The following SLC29A2 variants were observed in gnomAD, a reference collection of about 807,000 sequenced individuals.
SLC29A2 encodes the protein equilibrative nucleoside transporter 2.
In SLC29A2, 37 loss-of-function variants were observed where a neutral mutation model predicts 48.8. The ratio of observed to expected loss-of-function variants is 0.76; its 90% CI spans 0.58 to 1.00. The LOEUF (loss-of-function observed/expected upper bound fraction) is 1.00, where lower values mean the gene tolerates loss of function less well. Among genes scored for constraint, SLC29A2 ranks in the 50% least tolerant of loss-of-function variants. The pLI, the probability that SLC29A2 is intolerant of heterozygous loss-of-function variation, is 0.00. For missense variants in SLC29A2, 533 were observed against 578.6 expected (o/e 0.92, Z 0.81); for synonymous variants, 233 against 261.7 (o/e 0.89, Z 1.06).
chr11:66,366,294 A>G, intron 8 of SLC29A2, 63 bp from the exon 9 acceptor site: 6 of 1,600,228 alleles, frequency 3.7e-6, no homozygotes. Context: ...CCTCTTGCCC[A>G]AGCCCCATGT....
chr11:66,368,096 A>G (rs1855813934), intron 5 of SLC29A2, among the ~76,000 whole-genome samples: 1 of 152,220 alleles, frequency 6.6e-6, no homozygotes. Flanking sequence ...ACTATGTGCC[A>G]GTAGCCTTCT....
intron 2 of SLC29A2, among the ~76,000 whole-genome samples, chr11:66,370,614 T>G: frequency 6.6e-6 from 1 of 152,050 alleles, no homozygotes; most frequent in East Asian, 1.9e-4. Flanking sequence ...TCCCAGCACT[T>G]TGGGAGGCCG....
In SLC29A2 at chr11:66,366,121, C is replaced by T; in HGVS notation, c.973+5G>A. 1 of 1,613,256 alleles carries T rather than the reference C, an allele frequency of 6.2e-7. No individual in the cohort carries two copies. The highest frequency in any genetic ancestry group is 8.5e-7 in the Non-Finnish European group (1 of 1,179,262). ...CCCTGCCGTCTTCTCCACCCTGACA[C>T]TCACTCCACTTCCCAGGACTGGTGG... On this transcript the variant is annotated splice_donor_5th_base_variant and intron_variant, in intron 9 of 11. Coordinates refer to ENST00000357440, the MANE Select transcript of SLC29A2 (RefSeq NM_001532.3).
chr11:66,364,653 T>C (rs7111197), intron 10 of SLC29A2: 469,567 of 482,428 alleles, frequency 0.97, 229,723 homozygotes, highest in East Asian at 1. Flanking sequence ...TATAGGCGCC[T>C]GCCACCACCA....
chr11:66,367,999 C>T, intron 5 of SLC29A2, 130 bp from the exon 6 acceptor site: 1 of 740,228 alleles, frequency 1.4e-6, no homozygotes, highest in South Asian at 1.5e-5. Flanking sequence ...CTCCTCCCTT[C>T]ACTGACAAAT....
rs1056130631 is a variant in SLC29A2 at position 66,367,815 on chromosome 11, C to G, written c.605G>C (p.Gly202Ala). Residue 202 changes from glycine (G) to alanine (A), a missense_variant, in exon 6 of 12, where the codon GGC (glycine) becomes GCC (alanine). Coordinates refer to ENST00000357440, the MANE Select transcript of SLC29A2 (RefSeq NM_001532.3). ...ALGYFITPCV[G>A]ILMSIVCYLS... ...GTAACACACGATGGACATGAGGATGCCCACACAGGGCGTGATAAAGTACCC... is the reference window on the plus strand; with the variant it reads ...GTAACACACGATGGACATGAGGATGGCCACACAGGGCGTGATAAAGTACCC... 3.7e-6 allele frequency: 6 copies of G among 1,614,052 alleles called. No homozygotes were observed. In the African/African-American group the frequency reaches 4.0e-5, roughly 11 times the overall value.
intron 5 of SLC29A2, 59 bp from the exon 6 acceptor site, chr11:66,367,928 CT>C: frequency 7.4e-7 from 1 of 1,346,150 alleles, no homozygotes; most frequent in Non-Finnish European, 1.1e-6. Context: ...TCCCACGGGG[CT>C]TCCAACTCTT....
Position 66,371,568 on chromosome 11 carries a change from C to A in SLC29A2, c.24G>T (p.Arg8=), listed in dbSNP as rs770553056. 1 of 1,550,630 alleles carries A rather than the reference C, an allele frequency of 6.4e-7. No homozygotes were observed. Residue 8 remains arginine (R), a synonymous_variant, in exon 1 of 12, where the codon CGG becomes CGT. Transcript: ENST00000357440. ...ACGCACCCGGGCCCACTCACCTGTC[C>A]CGCGGGGCGTCTCCTCGCGCCATGG... is the stretch of plus-strand genomic sequence containing the variant. MARGDAP[R]DSYHLVGISF...
At chr11:66,364,593 C>G in intron 10 of SLC29A2, 169 bp from the exon 11 acceptor site, 1 of 585,686 alleles carries the variant, frequency 1.7e-6, no homozygotes, top group South Asian at 2.1e-5. Context: ...CAACCTCCAC[C>G]TCCTGGGTTC....
intron 9 of SLC29A2, 31 bp from the exon 10 acceptor site, chr11:66,366,052 G>A: frequency 6.2e-7 from 1 of 1,610,260 alleles, no homozygotes; most frequent in Non-Finnish European, 8.5e-7. Flanking sequence ...GCTCATACTG[G>A]TCTCCAACTC....
Position 66,364,206 on chromosome 11 carries a change from C to A in SLC29A2, c.1259+19G>T. The A allele has an allele frequency of 6.4e-7, 1 of 1,561,790 alleles. No individual in the cohort carries two copies. On this transcript the variant is annotated intron_variant, in intron 11 of 11. Transcript: ENST00000357440. ...ACCTCCCTACTCCCAGCCCCCCACCCCACCCCATTGCCCCGGACCTGGGCG... is the reference window on the plus strand; with the variant it reads ...ACCTCCCTACTCCCAGCCCCCCACCACACCCCATTGCCCCGGACCTGGGCG...
rs1012148562 is a variant in SLC29A2 at position 66,367,831 on chromosome 11, T to C, written c.589A>G (p.Ile197Val). The change falls in exon 6 of 12, where the codon ATC becomes GTC. Residue 197 changes from isoleucine to valine, a missense_variant. By Grantham distance (29) the Ile-to-Val change is conservative (BLOSUM62 3). Transcript: ENST00000357440. ...ATGAGGATGCCCACACAGGGCGTGA[T>C]AAAGTACCCCAGGGCAGAGGTCTCG... ...DAETSALGYF[I>V]TPCVGILMSI... 3 of 1,614,034 alleles carry C rather than the reference T, an allele frequency of 1.9e-6. No individual in the cohort carries two copies. In the African/African-American group the frequency reaches 4.0e-5, roughly 22 times the overall value.
chr11:66,371,551 G>C lies in SLC29A2; in HGVS notation c.29+12C>G. ...GCCCCCGGCCACTTGCAACGCACCC[G>C]GGCCCACTCACCTGTCCCGCGGGGC... On this transcript the variant is annotated intron_variant, in intron 1 of 11. Coordinates refer to ENST00000357440, the MANE Select transcript of SLC29A2 (RefSeq NM_001532.3). The C allele has an allele frequency of 6.5e-7, 1 of 1,550,262 alleles. No homozygotes were observed. Among genetic ancestry groups the C allele is most frequent in the Non-Finnish European group, 8.7e-7 (1 of 1,147,666 alleles).
chr11:66,368,184 C>A (rs1855818999), intron 5 of SLC29A2, among the ~76,000 whole-genome samples: 1 of 152,154 alleles, frequency 6.6e-6, no homozygotes, highest in Non-Finnish European at 1.5e-5. Flanking sequence ...AGAGAGGTGA[C>A]AAGCCTTGTC....
At chr11:66,368,509 A>C (rs1421005586) in intron 5 of SLC29A2, 28 bp downstream of exon 5, 1 of 1,613,068 alleles carries the variant, frequency 6.2e-7, no homozygotes, top group Non-Finnish European at 8.5e-7. Context: ...AGGCCACCCC[A>C]GCCCTCCAGC....
chr11:66,367,723 C>T, intron 6 of SLC29A2, 49 bp downstream of exon 6: 4 of 1,566,812 alleles, frequency 2.6e-6, no homozygotes, highest in Non-Finnish European at 3.5e-6. Context: ...GCTCAGGACT[C>T]TATCCAAGAT....
In SLC29A2 at chr11:66,363,943, G is replaced by A. The variant is rs893397616; in HGVS notation, c.1259+282C>T. Among the ~76,000 whole-genome samples the A allele has an allele frequency of 9.6e-5, 10 of 104,086 alleles. No homozygotes were observed. In the Admixed American group the frequency reaches 1.1e-3, roughly 11 times the overall value. The allele number at this position is 104,086 out of a possible 152,430, so 68.3% of individuals were successfully genotyped here. On this transcript the variant is annotated intron_variant, in intron 11 of 11. Transcript: ENST00000357440. ...GTTAGATGGGCCCTGAGGGATGACA[G>A]TTCAACCCATTTTTTTTTACAGATG...
rs146921129 is a variant in SLC29A2, at chr11:66,366,495, G to T, written c.803C>A (p.Pro268Gln). ...CTGGGGCTCATCTGGCTCTGATTCC[G>T]GCTCCTTCTCCAGGTCAAGATCCAG... ...LTLDLDLEKE[P>Q]ESEPDEPQKP... is the part of the protein sequence containing the mutation. Residue 268 changes from proline to glutamine, a missense_variant, in exon 8 of 12, where the codon CCG (proline) becomes CAG (glutamine). Physicochemically the swap from Pro to Gln is moderately conservative, Grantham distance 76 (BLOSUM62 -1). Coordinates refer to ENST00000357440, the MANE Select transcript of SLC29A2 (RefSeq NM_001532.3). The T allele has an allele frequency of 3.7e-6, 6 of 1,614,076 alleles. No individual in the cohort carries two copies. Among genetic ancestry groups the T allele is most frequent in the Non-Finnish European group, 5.1e-6 (6 of 1,180,034 alleles).
chr11:66,367,939 T>TG (rs1855805090), intron 5 of SLC29A2, 70 bp from the exon 6 acceptor site: 9 of 1,205,992 alleles, frequency 7.5e-6, no homozygotes, highest in Non-Finnish European at 1.1e-5. Context: ...TTCCAACTCT[T>TG]GTCCCACTTC....
Sources: allele counts gnomAD v4.1 joint callset (sites outside exome capture counted in the v4.1 genomes callset), GRCh38; gene constraint gnomAD v4.1.1; transcripts MANE v1.5; gene names NCBI Gene and HGNC (gene_info 2026-07-23, HGNC 2026-07-21).